ATN1: variants seen among roughly 807,000 people sequenced by gnomAD.
The protein encoded by ATN1 is atrophin-1.
Under a neutral mutation model 85.8 loss-of-function variants are expected in ATN1, and 19 were observed. That is an observed-to-expected ratio of 0.22 (90% CI 0.15 to 0.32). ATN1 has a LOEUF of 0.32. Among genes scored for constraint, ATN1 ranks in the 10% least tolerant of loss-of-function variants. The probability of loss-of-function intolerance (pLI) is 1.00; values close to 1 mark genes in which losing one functional copy is unlikely to be tolerated. For synonymous variants in ATN1, 674 were observed against 657.0 expected, an observed-to-expected ratio of 1.03 and a Z score of -0.39; for missense variants, 1,453 against 1,564.5, an observed-to-expected ratio of 0.93 and a Z score of 1.20.
rs1945516620 is a variant in ATN1, at chr12:6,935,234, A to AGTG, written c.280-307_280-305dup. Among the ~76,000 whole-genome samples the AGTG allele has an allele frequency of 6.6e-6, 1 of 152,112 alleles. No individual in the cohort carries two copies. Among genetic ancestry groups the AGTG allele is most frequent in the Admixed American group, 6.5e-5 (1 of 15,276 alleles). On this transcript the variant is annotated intron_variant, in intron 4 of 9. Transcript: ENST00000396684. This position sits in a 1 kb window ranked among gnomAD's most constrained non-coding sequence, Gnocchi z 5.3. ...GGCTTGGGGGATGGAGGATGGTTAA[A>AGTG]GTGGTGGTTATGAGATGGTGGAAGA... is the stretch of plus-strand genomic sequence containing the variant.
At position 6,934,298 on chromosome 12, in the gene ATN1, C is replaced by T. The variant is rs781811857; in HGVS notation, c.150C>T (p.Ser50=). Residue 50 remains serine (S), a synonymous_variant, in exon 3 of 10, where the codon TCC becomes TCT. Transcript: ENST00000396684. This position sits in a 1 kb window ranked among gnomAD's most constrained non-coding sequence, Gnocchi z 4.5. ...GCAGTGATGGCAAAGCTGAGAAGTC[C>T]AGGCAGACAGCCAAGGTATTCTGTC... ...TSSSDGKAEK[S]RQTAKKARVE... 1.9e-6 allele frequency: 3 copies of T among 1,570,682 alleles called. No homozygotes were observed. The highest frequency in any genetic ancestry group is 8.6e-7 in the Non-Finnish European group (1 of 1,164,716).
upstream of ATN1, among the ~76,000 whole-genome samples, chr12:6,925,122 G>GTGTGTGTGTGTA (rs1555142462): frequency 1.4e-5 from 2 of 145,678 alleles, no homozygotes; most frequent in African/African-American, 5.5e-5. Context: ...GTGTGCGTGT[G>GTGTGTGTGTGTA]TGTGTGTGTG....
upstream of ATN1, among the ~76,000 whole-genome samples, chr12:6,925,370 A>G (rs1805900328): frequency 6.6e-6 from 1 of 152,162 alleles, no homozygotes; most frequent in African/African-American, 2.4e-5. Flanking sequence ...GCTTGAGCCA[A>G]GGCCCAGTGG....
Position 6,938,724 on chromosome 12 carries a change from C to T in ATN1, c.2761C>T (p.Pro921Ser). Residue 921 changes from proline (P) to serine (S), a missense_variant, in exon 7 of 10, where the codon CCG becomes TCG. This residue lies in a region of ATN1 where 208 missense variants were observed against 263.4 expected (regional missense o/e 0.79). Transcript: ENST00000396684. Reference protein sequence around the residue: ...VDPGLLGYNVPALYSSDPAAR... With the variant: ...VDPGLLGYNVSALYSSDPAAR... ...CCCGGGGCTCCTGGGTTACAATGTCCCGGCCCTGTACAGCAGTGATCCAGC... is the reference window on the plus strand; with the variant it reads ...CCCGGGGCTCCTGGGTTACAATGTCTCGGCCCTGTACAGCAGTGATCCAGC... The T allele has an allele frequency of 6.2e-7, 1 of 1,614,044 alleles. No homozygotes were observed. Among genetic ancestry groups the T allele is most frequent in the Non-Finnish European group, 8.5e-7 (1 of 1,180,030 alleles).
In ATN1 at chr12:6,936,639, C is replaced by T; in HGVS notation, c.1372C>T (p.His458Tyr). 1 of 1,613,584 alleles carries T rather than the reference C, an allele frequency of 6.2e-7. No individual in the cohort carries two copies. Among genetic ancestry groups the T allele is most frequent in the Non-Finnish European group, 8.5e-7 (1 of 1,179,770 alleles). ...YGRLLANSNA[H>Y]PGPFPPSTGA... is the part of the protein sequence containing the mutation. ...CCGCCTCTTAGCCAACAGCAATGCCCATCCAGGCCCCTTCCCTCCCTCTAC... is the reference window on the plus strand; with the variant it reads ...CCGCCTCTTAGCCAACAGCAATGCCTATCCAGGCCCCTTCCCTCCCTCTAC... The change falls in exon 5 of 10, where the codon CAT becomes TAT. Residue 458 changes from histidine to tyrosine, a missense_variant. By Grantham distance (83) the His-to-Tyr change is moderately conservative. This residue lies in a region of ATN1 where 990 missense variants were observed against 914.8 expected (regional missense o/e 1.08). Transcript: ENST00000396684.
rs1555144225 is a variant in ATN1, at chr12:6,938,545, C to T, written c.2582C>T (p.Pro861Leu). The change falls in exon 7 of 10, where the codon CCT (proline) becomes CTT (leucine). Residue 861 changes from proline to leucine, a missense_variant. By Grantham distance (98) the Pro-to-Leu change is moderately conservative (BLOSUM62 -3). Transcript: ENST00000396684. ...TCTCTGGGCCCAGTGCCCCATCGCC[C>T]TCCATTTGAACCGGGCAGTGCGGTG... ...CPSLGPVPHR[P>L]PFEPGSAVAT... 3 of 1,614,184 alleles carry T rather than the reference C, an allele frequency of 1.9e-6. No homozygotes were observed. The highest frequency in any genetic ancestry group is 1.7e-6 in the Non-Finnish European group (2 of 1,179,960).
At position 6,934,676 on chromosome 12, in the gene ATN1, T is replaced by C. The variant is rs1409327865; in HGVS notation, c.279+98T>C. 8 of 894,178 alleles carry C rather than the reference T, an allele frequency of 8.9e-6. No homozygotes were observed. Among genetic ancestry groups the C allele is most frequent in the Non-Finnish European group, 1.4e-5 (8 of 562,154 alleles). The allele number at this position is 894,178 out of a possible 1,614,324, so 55.4% of individuals were successfully genotyped here. On this transcript the variant is annotated intron_variant, in intron 4 of 9. Transcript: ENST00000396684. This position sits in a 1 kb window ranked among gnomAD's most constrained non-coding sequence, Gnocchi z 4.5. ...TCTTAGCTGGATCTCTCCTGGGACA[T>C]AAGAGAAAGGCCAGATCATAGTGCT...
upstream of ATN1, among the ~76,000 whole-genome samples, chr12:6,924,906 C>G (rs1294212415): frequency 6.6e-6 from 1 of 152,174 alleles, no homozygotes; most frequent in Non-Finnish European, 1.5e-5. Context: ...TCTTTCATCC[C>G]TCCTCACCAG....
upstream of ATN1, among the ~76,000 whole-genome samples, chr12:6,925,117 C>CGTGTGCGTGTGTGTGTGT (rs1555142455): frequency 1.4e-5 from 2 of 143,718 alleles, no homozygotes; most frequent in African/African-American, 5.4e-5. Context: ...TGTGCGTGTG[C>CGTGTGCGTGTGTGTGTGT]GTGTGTGTGT....
chr12:6,931,329 ATTTT>A (rs199675537), intron 1 of ATN1, among the ~76,000 whole-genome samples: 1 of 102,174 alleles, frequency 9.8e-6, no homozygotes, highest in Non-Finnish European at 2.0e-5. Flanking sequence ...TGTTCTTCGG[ATTTT>A]TTTTTTTTTT....
Position 6,939,168 on chromosome 12 carries a change from A to T in ATN1, c.3205A>T (p.Ile1069Phe). The change falls in exon 7 of 10, where the codon ATC (isoleucine) becomes TTC (phenylalanine). Residue 1069 changes from isoleucine to phenylalanine, a missense_variant. By Grantham distance (21) the Ile-to-Phe change is conservative (BLOSUM62 0). This residue lies in a region of ATN1 where 118 missense variants were observed against 163.7 expected (regional missense o/e 0.72). Coordinates refer to ENST00000396684, the MANE Select transcript of ATN1 (RefSeq NM_001940.4). Reference protein sequence around the residue: ...SHLHLHQQDAIHAASASVHPL... With the variant: ...SHLHLHQQDAFHAASASVHPL... ...CCTGCACCTGCACCAGCAAGATGCT[A>T]TCCATGCAGGTGAGACCCCTCCTTC... 1 of 1,597,484 alleles carries T rather than the reference A, an allele frequency of 6.3e-7. No individual in the cohort carries two copies. The highest frequency in any genetic ancestry group is 1.1e-5 in the South Asian group (1 of 90,894).
Position 6,936,437 on chromosome 12 carries a change from T to C in ATN1, c.1170T>C (p.Ser390=). 1.9e-6 allele frequency: 3 copies of C among 1,611,482 alleles called. No individual in the cohort carries two copies. The highest frequency in any genetic ancestry group is 2.2e-5 in the South Asian group (2 of 91,032). Residue 390 remains serine (S), a synonymous_variant, in exon 5 of 10, where the codon TCT becomes TCC. Coordinates refer to ENST00000396684, the MANE Select transcript of ATN1 (RefSeq NM_001940.4). The part of the protein sequence containing the change: ...SSSAAASSSS[S]SSSSSASPFP... ...CTGCAGCAGCCTCCTCTTCCAGTTC[T>C]TCCTCCTCTTCCTCTGCCTCCCCCT...
Position 6,938,053 on chromosome 12 carries a change from C to A in ATN1, c.2503C>A (p.Leu835Ile). ...KEREREKERE[L>I]ERSVKLAQEG... ...GCGCGAGCGCGAGAAGGAGCGCGAG[C>A]TTGAACGCAGCGTGGTGAGTGCGTC... The change falls in exon 6 of 10, where the codon CTT (leucine) becomes ATT (isoleucine). Residue 835 changes from leucine (L) to isoleucine (I), a missense_variant. Around this residue, in one of 6 missense-constraint regions of ATN1, gnomAD observed 990 missense variants for 914.8 expected, o/e 1.08. Coordinates refer to ENST00000396684, the MANE Select transcript of ATN1 (RefSeq NM_001940.4). 1 of 1,545,440 alleles carries A rather than the reference C, an allele frequency of 6.5e-7. No individual in the cohort carries two copies. The highest frequency in any genetic ancestry group is 2.4e-5 in the East Asian group (1 of 40,878).
At chr12:6,925,139 T>A (rs782396540), upstream of ATN1, among the ~76,000 whole-genome samples, 4 of 147,484 alleles carry the variant, frequency 2.7e-5, no homozygotes, top group African/African-American at 1.1e-4. Context: ...TGTGTGTGTG[T>A]GTGAGAGAGA....
Position 6,934,367 on chromosome 12 carries a change from T to C in ATN1, c.165+54T>C. 1 of 1,558,128 alleles carries C rather than the reference T, an allele frequency of 6.4e-7. No individual in the cohort carries two copies. The highest frequency in any genetic ancestry group is 1.2e-5 in the South Asian group (1 of 84,498). ...ATGCCCAAGGCACTGGGGCTGAGGGTGTGTGTGTGTTGTGGGGGAACTTCC... is the reference window on the plus strand; with the variant it reads ...ATGCCCAAGGCACTGGGGCTGAGGGCGTGTGTGTGTTGTGGGGGAACTTCC... On this transcript the variant is annotated intron_variant, in intron 3 of 9. Transcript: ENST00000396684. This position sits in a 1 kb window ranked among gnomAD's most constrained non-coding sequence, Gnocchi z 4.5.
At chr12:6,933,733 C>T (rs1555143250) in intron 1 of ATN1, 107 bp from the exon 2 acceptor site, 5 of 559,472 alleles carry the variant, frequency 8.9e-6, no homozygotes, top group Non-Finnish European at 1.6e-5. Flanking sequence ...CCTCTTGGCC[C>T]AAAGGCTTAG....
Position 6,937,504 on chromosome 12 carries a change from G to A in ATN1, c.2237G>A (p.Ser746Asn), listed in dbSNP as rs1945565542. 6.5e-7 allele frequency: 1 copy of A among 1,542,372 alleles called. No individual in the cohort carries two copies. The highest frequency in any genetic ancestry group is 8.7e-7 in the Non-Finnish European group (1 of 1,146,052). ...TPESPVPPAR[S>N]PSPPPKVVDV... ...GAGAGCCCGGTGCCCCCAGCCCGCA[G>A]CCCCTCGCCCCCTCCCAAGGTGGTA... is the stretch of plus-strand genomic sequence containing the variant. The change falls in exon 5 of 10, where the codon AGC becomes AAC. Residue 746 changes from serine to asparagine, a missense_variant. Transcript: ENST00000396684. The surrounding 1 kb of genome is among the most constrained non-coding windows in gnomAD (Gnocchi z 6.0).
chr12:6,930,904 T>C (rs2138203780), intron 1 of ATN1, among the ~76,000 whole-genome samples: 1 of 152,276 alleles, frequency 6.6e-6, no homozygotes, highest in South Asian at 2.1e-4. Context: ...TAATATTAGT[T>C]ACAGTGATTG....
chr12:6,930,991 C>T (rs1479645552), intron 1 of ATN1, among the ~76,000 whole-genome samples: 2 of 152,254 alleles, frequency 1.3e-5, no homozygotes, highest in South Asian at 4.1e-4. Context: ...AACTCCTTTC[C>T]TCGTCTGCCA....
Sources: gnomAD v4.1 joint callset for allele counts (sites outside exome capture counted in the v4.1 genomes callset) on GRCh38, gnomAD v4.1.1 for gene constraint, gnomAD v4.1.1 regional missense constraint, Gnocchi (gnomAD v3.1) non-coding constraint, MANE v1.5 for transcripts, NCBI Gene and HGNC (gene_info 2026-07-23, HGNC 2026-07-21) for gene names.